MYCBPAP: variants seen among roughly 807,000 people sequenced by gnomAD.
The protein encoded by MYCBPAP is MYCBP-associated protein.
A neutral mutation model predicts 106.1 loss-of-function variants in MYCBPAP; 60 were observed. The ratio of observed to expected loss-of-function variants is 0.57; its 90% confidence interval spans 0.46 to 0.70. The LOEUF is 0.70. Among genes scored for constraint, MYCBPAP ranks in the 30% least tolerant of loss-of-function variants. The pLI, the probability that MYCBPAP is intolerant of heterozygous loss-of-function variation, is 0.00. For synonymous variants in MYCBPAP, 407 were observed against 440.6 expected, an observed-to-expected ratio of 0.92 and a Z score of 0.95; for missense variants, 1,064 against 1,169.3, an observed-to-expected ratio of 0.91 and a Z score of 1.31.
At chr17:50,520,496 ACT>A (rs2034217707) in intron 7 of MYCBPAP, among the ~76,000 whole-genome samples, 1 of 143,902 alleles carries the variant, frequency 6.9e-6, no homozygotes, top group Admixed American at 7.2e-5. Flanking sequence ...CAAGAGCAAA[ACT>A]CTGTCTTAAA....
intron 18 of MYCBPAP, chr17:50,529,559 A>T (rs2034569408): frequency 5.3e-6 from 2 of 378,038 alleles, no homozygotes; most frequent in Admixed American, 6.5e-5. Context: ...AGTAGTGGGG[A>T]GCAGGTCATA....
rs1462798024 is a variant in MYCBPAP, at chr17:50,525,990, G to C, written c.1892G>C (p.Ser631Thr). ...EARPGDKEHV[S>T]PIATEKASVN... is the part of the protein sequence containing the mutation. Reference sequence around the variant, plus strand: ...AGGCCAGGGGACAAGGAGCACGTCAGCCCCATAGCCACAGAGAAGGCCTCT... The same window carrying C: ...AGGCCAGGGGACAAGGAGCACGTCACCCCCATAGCCACAGAGAAGGCCTCT... The change falls in exon 14 of 19, where the codon AGC becomes ACC. Residue 631 changes from serine to threonine, a missense_variant. Coordinates refer to ENST00000323776, the MANE Select transcript of MYCBPAP (RefSeq NM_032133.6). The C allele has an allele frequency of 6.2e-7, 1 of 1,613,850 alleles. No individual in the cohort carries two copies. The highest frequency in any genetic ancestry group is 2.2e-5 in the East Asian group (1 of 44,862).
chr17:50,515,546 T>C (rs2034017679), intron 1 of MYCBPAP, among the ~76,000 whole-genome samples: 1 of 152,108 alleles, frequency 6.6e-6, no homozygotes. Flanking sequence ...TGGCAAAACA[T>C]CTAGTTCAGT....
At chr17:50,529,685 T>C in intron 18 of MYCBPAP, 1 of 451,722 alleles carries the variant, frequency 2.2e-6, no homozygotes, top group Non-Finnish European at 4.5e-6. Context: ...CTTTAGAAGG[T>C]GGCTCTGGCC....
Position 50,524,903 on chromosome 17 carries a change from C to T in MYCBPAP, c.1662C>T (p.Val554=). The T allele has an allele frequency of 6.2e-7, 1 of 1,613,924 alleles. No homozygotes were observed. The highest frequency in any genetic ancestry group is 8.5e-7 in the Non-Finnish European group (1 of 1,180,002). The part of the protein sequence containing the change: ...LESKLTAHEA[V]TVVREVLQEL... ...GCAAGCTGACTGCCCATGAGGCAGT[C>T]ACCGTCGTTCGCGAAGTGCTGCAGG... The change falls in exon 13 of 19, where the codon GTC becomes GTT. Residue 554 remains valine (V), a synonymous_variant. Coordinates refer to ENST00000323776, the MANE Select transcript of MYCBPAP (RefSeq NM_032133.6).
rs2033692479 is a variant in MYCBPAP at position 50,508,450 on chromosome 17, G to A, written c.-225G>A. On this transcript the variant is annotated 5_prime_UTR_variant, in exon 1 of 19. Transcript: ENST00000323776. ...CAGGCCGGGCCCGCAGGGCTTTCTA[G>A]GGGTCCGTCGCTCTTGAAGCCGCCG... 3 of 1,232,048 alleles carry A rather than the reference G, an allele frequency of 2.4e-6. No homozygotes were observed. Among genetic ancestry groups the A allele is most frequent in the South Asian group, 2.8e-5 (2 of 70,702 alleles). The allele number at this position is 1,232,048 out of a possible 1,614,324, so 76.3% of individuals were successfully genotyped here.
intron 15 of MYCBPAP, 146 bp from the exon 16 acceptor site, chr17:50,528,009 A>T (rs2143996986): frequency 1.5e-6 from 1 of 676,354 alleles, no homozygotes. Flanking sequence ...CTGGCGGGGA[A>T]CAGTGAGGAT....
At chr17:50,519,871 C>T in intron 7 of MYCBPAP, 84 bp downstream of exon 7, 1 of 1,458,198 alleles carries the variant, frequency 6.9e-7, no homozygotes, top group South Asian at 1.2e-5. Flanking sequence ...CATAGCTCTA[C>T]AGTGAAACAG....
In MYCBPAP at chr17:50,517,331, T is replaced by G. The variant is rs1389781704; in HGVS notation, c.243T>G (p.Arg81=). 3 of 1,614,170 alleles carry G rather than the reference T, an allele frequency of 1.9e-6. No individual in the cohort carries two copies. Among genetic ancestry groups the G allele is most frequent in the Non-Finnish European group, 2.5e-6 (3 of 1,180,034 alleles). Reference sequence around the variant, plus strand: ...GCCTTACTGAAAAGGAAGATAAACGTGTCATCACCCAGAAATTTATCATCC... The same window carrying G: ...GCCTTACTGAAAAGGAAGATAAACGGGTCATCACCCAGAAATTTATCATCC... The part of the protein sequence containing the change: ...IPRLTEKEDK[R]VITQKFIIRK... The change falls in exon 3 of 19, where the codon CGT becomes CGG. Residue 81 remains arginine, a synonymous_variant. Transcript: ENST00000323776.
chr17:50,513,166 C>T (rs368642390), intron 1 of MYCBPAP, among the ~76,000 whole-genome samples: 1 of 136,540 alleles, frequency 7.3e-6, no homozygotes, highest in African/African-American at 2.9e-5. Context: ...TGCAGTGAGC[C>T]GAGATCACGC....
chr17:50,509,342 C>T (rs1365964786), intron 1 of MYCBPAP: 1 of 571,526 alleles, frequency 1.7e-6, no homozygotes, highest in African/African-American at 1.9e-5. Context: ...CTCCTTTAGC[C>T]TGGAAAGAAT....
At chr17:50,518,410 C>T in intron 4 of MYCBPAP, 131 bp from the exon 5 acceptor site, 2 of 711,898 alleles carry the variant, frequency 2.8e-6, no homozygotes, top group Middle Eastern at 3.4e-4. Flanking sequence ...ACTGGCTACT[C>T]TGGAGTCCTG....
In MYCBPAP at chr17:50,522,027, G is replaced by A. The variant is rs1225366740; in HGVS notation, c.1203G>A (p.Leu401=). 2 of 1,614,060 alleles carry A rather than the reference G, an allele frequency of 1.2e-6. No homozygotes were observed. Among genetic ancestry groups the A allele is most frequent in the Admixed American group, 1.7e-5 (1 of 60,022 alleles). Residue 401 remains leucine, a synonymous_variant, in exon 10 of 19, where the codon CTG becomes CTA. Coordinates refer to ENST00000323776, the MANE Select transcript of MYCBPAP (RefSeq NM_032133.6). ...DVSMPILGPS[L]LFCGKPACWI... is the part of the protein sequence containing the mutation. ...CCATGCCTATTCTCGGCCCTTCTCT[G>A]CTGTTCTGTGGGAAGCCAGCTTGCT...
At position 50,521,436 on chromosome 17, in the gene MYCBPAP, G is replaced by A; in HGVS notation, c.1148+5G>A. On this transcript the variant is annotated splice_donor_5th_base_variant and intron_variant, in intron 9 of 18. Coordinates refer to ENST00000323776, the MANE Select transcript of MYCBPAP (RefSeq NM_032133.6). Reference sequence around the variant, plus strand: ...CTCTGAAGACACAGCATACTTGTGAGTGCAGCCTGAACCCTGGGGAGAGAG... The same window carrying A: ...CTCTGAAGACACAGCATACTTGTGAATGCAGCCTGAACCCTGGGGAGAGAG... 1 of 1,570,448 alleles carries A rather than the reference G, an allele frequency of 6.4e-7. No individual in the cohort carries two copies.
At position 50,521,014 on chromosome 17, in the gene MYCBPAP, TG is replaced by T. The variant is rs762141789; in HGVS notation, c.917-94del. On this transcript the variant is annotated intron_variant, in intron 7 of 18. Coordinates refer to ENST00000323776, the MANE Select transcript of MYCBPAP (RefSeq NM_032133.6). ...CTGTATTTTTAGTCCTTCCTAGAAA[TG>T]GTGTTGGGATAGGCACTCTCAGAGC... is the stretch of plus-strand genomic sequence containing the variant. 951 of 905,194 alleles carry T rather than the reference TG, an allele frequency of 1.1e-3. 1 individual carries two copies. The highest frequency in any genetic ancestry group is 1.5e-3 in the Non-Finnish European group (894 of 582,606). 56.1% of individuals were successfully genotyped at this position (905,194 alleles called of 1,614,324 possible). A position where few individuals can be genotyped will look rare whatever the true frequency, so the allele number is the denominator to read the frequency against.
chr17:50,518,850 C>G, intron 5 of MYCBPAP, 124 bp from the exon 6 acceptor site: 1 of 1,443,510 alleles, frequency 6.9e-7, no homozygotes. Context: ...CCAAGAGTGT[C>G]TCACTCTGAA....
rs1202978903 is a variant in MYCBPAP, at chr17:50,524,989, C to T, written c.1748C>T (p.Thr583Ile). The T allele has an allele frequency of 1.9e-6, 3 of 1,613,776 alleles. No individual in the cohort carries two copies. The highest frequency in any genetic ancestry group is 2.2e-5 in the East Asian group (1 of 44,876). The change falls in exon 13 of 19, where the codon ACC becomes ATC. Residue 583 changes from threonine (T) to isoleucine (I), a missense_variant. Physicochemically the swap from Thr to Ile is moderately conservative, Grantham distance 89 (BLOSUM62 -1). Transcript: ENST00000323776. ...CCATCACCTGTGGATGCCTATCTCACCGAGGAAGACTTGTTCCGGCACAGA... is the reference window on the plus strand; with the variant it reads ...CCATCACCTGTGGATGCCTATCTCATCGAGGAAGACTTGTTCCGGCACAGA... Reference protein sequence around the residue: ...RTPSPVDAYLTEEDLFRHRNP... With the variant: ...RTPSPVDAYLIEEDLFRHRNP...
intron 4 of MYCBPAP, 136 bp from the exon 5 acceptor site, chr17:50,518,405 C>G: frequency 1.5e-6 from 1 of 657,770 alleles, no homozygotes; most frequent in East Asian, 3.0e-5. Context: ...CTGTCACTGG[C>G]TACTCTGGAG....
chr17:50,515,661 C>T (rs2034021419), intron 1 of MYCBPAP, among the ~76,000 whole-genome samples: 1 of 152,144 alleles, frequency 6.6e-6, no homozygotes, highest in South Asian at 2.1e-4. Context: ...TCATAAAACT[C>T]CCCCAAAGAT....
Sources: gnomAD v4.1 joint callset for allele counts (sites outside exome capture counted in the v4.1 genomes callset) on GRCh38, gnomAD v4.1.1 for gene constraint, MANE v1.5 for transcripts, NCBI Gene and HGNC (gene_info 2026-07-23, HGNC 2026-07-21) for gene names.